Variants in CFDP1 observed in about 807,000 individuals in gnomAD.
The protein encoded by CFDP1 is heterochromatin-stabilizing protein CFDP1.
Under a neutral mutation model 40.1 loss-of-function variants are expected in CFDP1, and 31 were observed. That is an observed-to-expected ratio of 0.77 (90% CI 0.58 to 1.04). The LOEUF (loss-of-function observed/expected upper bound fraction) is 1.04. Among genes scored for constraint, CFDP1 ranks in the 50% least tolerant of loss-of-function variants. The pLI, the probability that CFDP1 is intolerant of heterozygous loss-of-function variation, is 0.00. For missense variants in CFDP1, 423 were observed against 343.4 expected, an observed-to-expected ratio of 1.23 and a Z score of -1.83; for synonymous variants, 167 against 120.0, an observed-to-expected ratio of 1.39 and a Z score of -2.56.
At chr16:75,394,988 C>A in intron 5 of CFDP1, 102 bp downstream of exon 5, 1 of 1,381,872 alleles carries the variant, frequency 7.2e-7, no homozygotes. Context: ...TCATAATTCT[C>A]TCTCTCAGGC....
chr16:75,318,413 T>C (rs1186722447), intron 5 of CFDP1, among the ~76,000 whole-genome samples: 2 of 150,484 alleles, frequency 1.3e-5, no homozygotes, highest in African/African-American at 2.4e-5. Context: ...TCTTTCTTTT[T>C]TTTTTTTTTT....
chr16:75,394,052 C>T (rs1324658647), intron 5 of CFDP1, among the ~76,000 whole-genome samples: 1 of 151,830 alleles, frequency 6.6e-6, no homozygotes, highest in Non-Finnish European at 1.5e-5. Flanking sequence ...GAGACTCCAC[C>T]TCAAAAAAAA....
In CFDP1 at chr16:75,414,698, G is replaced by GA. The variant is rs1199745042; in HGVS notation, c.65-4dup. 4 of 1,568,916 alleles carry GA rather than the reference G, an allele frequency of 2.5e-6. No homozygotes were observed. The highest frequency in any genetic ancestry group is 3.5e-6 in the Non-Finnish European group (4 of 1,139,970). On this transcript the variant is annotated splice_region_variant and splice_polypyrimidine_tract_variant and intron_variant, in intron 1 of 6. Transcript: ENST00000283882. ...ATCATCTTCACTATACTCTCCACCTGAAATCACATAACAGGGTGATCAGAC... is the reference window on the plus strand; with the variant it reads ...ATCATCTTCACTATACTCTCCACCTGAAAATCACATAACAGGGTGATCAGAC...
chr16:75,351,707 A>G (rs1272298937), intron 5 of CFDP1, among the ~76,000 whole-genome samples: 2 of 152,210 alleles, frequency 1.3e-5, no homozygotes, highest in South Asian at 2.1e-4. Flanking sequence ...GGAAAATAAA[A>G]GGATATGAAA....
chr16:75,327,124 G>A (rs1279665794), intron 5 of CFDP1, among the ~76,000 whole-genome samples: 1 of 152,070 alleles, frequency 6.6e-6, no homozygotes, highest in East Asian at 1.9e-4. Context: ...AAAAATAGCT[G>A]GGCGTGGTGG....
chr16:75,297,194 G>GTGTT (rs1567637643), intron 6 of CFDP1, among the ~76,000 whole-genome samples: 1 of 146,226 alleles, frequency 6.8e-6, no homozygotes. Flanking sequence ...GTGTGTGTGT[G>GTGTT]TTTTTAGTAG....
intron 1 of CFDP1, among the ~76,000 whole-genome samples, chr16:75,421,076 G>A (rs1011627358): frequency 5.3e-5 from 8 of 152,002 alleles, no homozygotes; most frequent in Non-Finnish European, 8.8e-5. Context: ...GAGAATCTCC[G>A]GCCAGCCAGC....
At chr16:75,307,469 G>A (rs1445420150) in intron 5 of CFDP1, among the ~76,000 whole-genome samples, 2 of 151,884 alleles carry the variant, frequency 1.3e-5, no homozygotes, top group Admixed American at 6.6e-5. Context: ...TGCCCACCTC[G>A]GCCCCCCAAA....
intron 6 of CFDP1, among the ~76,000 whole-genome samples, chr16:75,302,168 C>CAGAT (rs1245048863): frequency 1.3e-5 from 2 of 152,218 alleles, no homozygotes; most frequent in African/African-American, 2.4e-5. Flanking sequence ...TCTCACTAGG[C>CAGAT]AGATGTTCTT....
intron 5 of CFDP1, chr16:75,391,517 A>G (rs2078950536): frequency 6.6e-6 from 1 of 152,246 alleles, no homozygotes; most frequent in East Asian, 1.9e-4. Context: ...ATCTATACAC[A>G]ATAATGTAAA....
At chr16:75,393,048 G>A (rs575361566) in intron 5 of CFDP1, among the ~76,000 whole-genome samples, 2 of 152,208 alleles carry the variant, frequency 1.3e-5, no homozygotes. Flanking sequence ...TACATGCTGA[G>A]AGCAGCATCT....
rs754626915 is a variant in CFDP1, at chr16:75,433,347, C to T, written c.6G>A (p.Glu2=). 1.1e-4 allele frequency: 182 copies of T among 1,592,016 alleles called. 1 individual carries two copies. The South Asian group carries it at 1.7e-3, about 15-fold the overall frequency. ...TAGAGAAGTCTTCGGAGTCGAATTC[C>T]TCCATGTTGCTGCCGCTCGACGCTG... The part of the protein sequence containing the change: M[E]EFDSEDFSTS... The change falls in exon 1 of 7, where the codon GAG becomes GAA. Residue 2 remains glutamate (E), a synonymous_variant. Coordinates refer to ENST00000283882, the MANE Select transcript of CFDP1 (RefSeq NM_006324.3).
intron 1 of CFDP1, among the ~76,000 whole-genome samples, chr16:75,416,235 A>G (rs2079203646): frequency 6.6e-6 from 1 of 152,158 alleles, no homozygotes; most frequent in Non-Finnish European, 1.5e-5. Context: ...GAAAGGCAAG[A>G]TTCAAGACAA....
intron 5 of CFDP1, among the ~76,000 whole-genome samples, chr16:75,390,597 A>G (rs146477063): frequency 1.3e-5 from 2 of 152,352 alleles, no homozygotes; most frequent in African/African-American, 4.8e-5. Flanking sequence ...CCACTGCAAT[A>G]GTTTTGGATA....
rs553387992 is a variant in CFDP1 at position 75,411,956 on chromosome 16, T to TA, written c.403-5dup. The TA allele has an allele frequency of 1.4e-4, 225 of 1,579,380 alleles. No individual in the cohort carries two copies. Among genetic ancestry groups the TA allele is most frequent in the African/African-American group, 7.6e-4 (55 of 72,706 alleles). On this transcript the variant is annotated splice_region_variant and splice_polypyrimidine_tract_variant and intron_variant, in intron 3 of 6. Coordinates refer to ENST00000283882, the MANE Select transcript of CFDP1 (RefSeq NM_006324.3). ...TCTCTTCAGTCTCCTCTCCTTTCTA[T>TA]AAAAAAAACAAGAAATGTAATGTTT...
Position 75,433,377 on chromosome 16 carries a change from A to G in CFDP1, c.-25T>C. 1 of 1,577,072 alleles carries G rather than the reference A, an allele frequency of 6.3e-7. No homozygotes were observed. Among genetic ancestry groups the G allele is most frequent in the Non-Finnish European group, 8.6e-7 (1 of 1,161,452 alleles). On this transcript the variant is annotated 5_prime_UTR_variant, in exon 1 of 7. Coordinates refer to ENST00000283882, the MANE Select transcript of CFDP1 (RefSeq NM_006324.3). ...TGTTGCTGCCGCTCGACGCTGGTCA[A>G]ACTCACAAGACCGCAGCAGCCGCCT...
rs192919292 is a variant in CFDP1 at position 75,358,346 on chromosome 16, A to G, written c.650+36744T>C. Among the ~76,000 whole-genome samples, 3 of 152,328 alleles carry G rather than the reference A, an allele frequency of 2.0e-5. No homozygotes were observed. In the East Asian group the frequency reaches 5.8e-4, roughly 29 times the overall value. ...GCATGCCTACATATAGGAACTCTCC[A>G]TGTCATTTTAGCAGCTTTTCTGAAA... On this transcript the variant is annotated intron_variant, in intron 5 of 6. Transcript: ENST00000283882.
At chr16:75,341,635 G>A (rs1394607133) in intron 5 of CFDP1, among the ~76,000 whole-genome samples, 1 of 151,372 alleles carries the variant, frequency 6.6e-6, no homozygotes, top group Non-Finnish European at 1.5e-5. Context: ...TTTGACAGCA[G>A]AAGGTTTCAG....
At chr16:75,359,191 T>G (rs1157810719) in intron 5 of CFDP1, among the ~76,000 whole-genome samples, 1 of 152,224 alleles carries the variant, frequency 6.6e-6, no homozygotes, top group Admixed American at 6.5e-5. Context: ...TACAAAATCA[T>G]GCTATTCTAA....
Sources: gnomAD v4.1 joint callset for allele counts (sites outside exome capture counted in the v4.1 genomes callset) on GRCh38, gnomAD v4.1.1 for gene constraint, MANE v1.5 for transcripts, NCBI Gene and HGNC (gene_info 2026-07-23, HGNC 2026-07-21) for gene names.